Variants in ENTREP2 observed in about 807,000 individuals in gnomAD.
ENTREP2 encodes endosomal transmembrane epsin interactor 2.
the ENTREP2 span, among the ~76,000 whole-genome samples, chr15:29,406,461 T>C: frequency 6.6e-6 from 1 of 151,960 alleles, no homozygotes; most frequent in Non-Finnish European, 1.5e-5. Flanking sequence ...GGTAAGAGAA[T>C]CACTTGAACC....
At chr15:29,420,064 G>T in the ENTREP2 span, among the ~76,000 whole-genome samples, 1 of 152,162 alleles carries the variant, frequency 6.6e-6, no homozygotes, top group African/African-American at 2.4e-5. Flanking sequence ...AAGAAAGATG[G>T]ATCCTAAAGC....
At chr15:29,624,525 C>T in the ENTREP2 span, among the ~76,000 whole-genome samples, 1 of 152,206 alleles carries the variant, frequency 6.6e-6, no homozygotes, top group Non-Finnish European at 1.5e-5. Context: ...AAATGCCACT[C>T]TGTCTCCAAC....
chr15:29,397,233 T>C, the ENTREP2 span, among the ~76,000 whole-genome samples: 1 of 151,850 alleles, frequency 6.6e-6, no homozygotes, highest in Non-Finnish European at 1.5e-5. Flanking sequence ...CCACTAAAAA[T>C]ACAAACAATT....
the ENTREP2 span, among the ~76,000 whole-genome samples, chr15:29,534,106 C>CAAAAAAAA: frequency 2.9e-4 from 13 of 44,930 alleles, no homozygotes; most frequent in African/African-American, 8.0e-4. Flanking sequence ...GCCCCTTGGC[C>CAAAAAAAA]AAAAAAAAAA....
the ENTREP2 span, among the ~76,000 whole-genome samples, chr15:29,589,668 C>A: frequency 3.9e-5 from 6 of 152,186 alleles, no homozygotes; most frequent in African/African-American, 9.6e-5. Flanking sequence ...TGCCCCGCTG[C>A]GGATTTACAG....
chr15:29,457,774 C>T, the ENTREP2 span, among the ~76,000 whole-genome samples: 29 of 152,192 alleles, frequency 1.9e-4, no homozygotes, highest in African/African-American at 6.5e-4. Context: ...TTCTGCTGCC[C>T]CTTGGGTTCC....
chr15:29,339,172 G>T, the ENTREP2 span, among the ~76,000 whole-genome samples: 1 of 152,238 alleles, frequency 6.6e-6, no homozygotes, highest in African/African-American at 2.4e-5. Flanking sequence ...CACGAGATAG[G>T]GCCCCTGGCA....
chr15:29,544,466 A>G, the ENTREP2 span, among the ~76,000 whole-genome samples: 66,137 of 151,990 alleles, frequency 0.44, 15,217 homozygotes, highest in African/African-American at 0.6. Context: ...TGAACTGTAC[A>G]CTTTAAAATT....
chr15:29,589,668 C>T, the ENTREP2 span, among the ~76,000 whole-genome samples: 9 of 152,304 alleles, frequency 5.9e-5, no homozygotes, highest in Admixed American at 5.2e-4. Flanking sequence ...TGCCCCGCTG[C>T]GGATTTACAG....
chr15:29,465,290 A>C, the ENTREP2 span, among the ~76,000 whole-genome samples: 1 of 152,126 alleles, frequency 6.6e-6, no homozygotes, highest in Admixed American at 6.6e-5. Context: ...GCAGAACTTC[A>C]ATGTTGGAAG....
chr15:29,455,514 C>T, the ENTREP2 span, among the ~76,000 whole-genome samples: 1 of 152,166 alleles, frequency 6.6e-6, no homozygotes. Context: ...TATGCTTTTA[C>T]TTTTTAATCC....
At chr15:29,529,777 T>C in the ENTREP2 span, among the ~76,000 whole-genome samples, 2 of 152,122 alleles carry the variant, frequency 1.3e-5, no homozygotes, top group Non-Finnish European at 2.9e-5. Context: ...GCTAATAAAA[T>C]TTCTACCTTA....
At chr15:29,185,175 TG>T in the ENTREP2 span, among the ~76,000 whole-genome samples, 23 of 152,256 alleles carry the variant, frequency 1.5e-4, no homozygotes, top group Admixed American at 1.5e-3. Flanking sequence ...TTGGCCAGGC[TG>T]GTCTTGAACT....
the ENTREP2 span, among the ~76,000 whole-genome samples, chr15:29,325,947 T>C: frequency 6.6e-6 from 1 of 152,134 alleles, no homozygotes. Context: ...TGAAAATCAG[T>C]CAATGCAATA....
chr15:29,477,198 G>T, the ENTREP2 span, among the ~76,000 whole-genome samples: 1 of 152,164 alleles, frequency 6.6e-6, no homozygotes, highest in Middle Eastern at 3.4e-3. Context: ...AAGTTCAAAA[G>T]CAAGAAAAAT....
the ENTREP2 span, among the ~76,000 whole-genome samples, chr15:29,538,014 C>G: frequency 1.3e-5 from 2 of 152,200 alleles, no homozygotes; most frequent in Non-Finnish European, 2.9e-5. Context: ...CAACCCCTTT[C>G]CACTGACCCT....
the ENTREP2 span, among the ~76,000 whole-genome samples, chr15:29,519,008 G>A: frequency 2.0e-5 from 3 of 152,282 alleles, no homozygotes; most frequent in South Asian, 6.2e-4. Context: ...GAGTACTTCA[G>A]AGACTGCCTG....
the ENTREP2 span, among the ~76,000 whole-genome samples, chr15:29,201,022 T>C: frequency 1.3e-5 from 2 of 152,266 alleles, no homozygotes; most frequent in Non-Finnish European, 2.9e-5. Flanking sequence ...AGTGTCCATA[T>C]GCTATTAATA....
the ENTREP2 span, among the ~76,000 whole-genome samples, chr15:29,532,118 C>T: frequency 6.6e-6 from 1 of 152,172 alleles, no homozygotes; most frequent in Non-Finnish European, 1.5e-5. Context: ...TAACTTCCTC[C>T]TCCTATCGAA....
Sources: allele counts gnomAD v4.1 joint callset (sites outside exome capture counted in the v4.1 genomes callset), GRCh38; gene constraint gnomAD v4.1.1; transcripts MANE v1.5; gene names NCBI Gene and HGNC (gene_info 2026-07-23, HGNC 2026-07-21).